UNC5C: variants seen among roughly 807,000 people sequenced by gnomAD.
The protein encoded by UNC5C is unc-5 netrin receptor C, also known as netrin receptor UNC5C.
In UNC5C, 47 loss-of-function variants were observed where a neutral mutation model predicts 99.8. That is an observed-to-expected ratio of 0.47 (90% CI 0.37 to 0.60). The LOEUF (loss-of-function observed/expected upper bound fraction) is 0.60, where lower values mean the gene tolerates loss of function less well. Among genes scored for constraint, UNC5C ranks in the 20% least tolerant of loss-of-function variants. UNC5C has a pLI of 0.00. For synonymous variants in UNC5C, 487 were observed against 452.2 expected, an observed-to-expected ratio of 1.08 and a Z score of -0.98; for missense variants, 1,062 against 1,165.9, an observed-to-expected ratio of 0.91 and a Z score of 1.30.
chr4:95,238,344 A>C (rs1357191773), intron 7 of UNC5C, among the ~76,000 whole-genome samples: 5 of 152,082 alleles, frequency 3.3e-5, no homozygotes, highest in Admixed American at 1.3e-4. Flanking sequence ...TTCAATTTTT[A>C]TGTGTGTACT....
At chr4:95,297,869 C>G (rs1265316235) in intron 3 of UNC5C, among the ~76,000 whole-genome samples, 1 of 152,242 alleles carries the variant, frequency 6.6e-6, no homozygotes, top group Non-Finnish European at 1.5e-5. Context: ...GCTGCAGTCT[C>G]ATCACTGGTC....
At chr4:95,179,617 T>G (rs112734454) in intron 14 of UNC5C, among the ~76,000 whole-genome samples, 3 of 151,856 alleles carry the variant, frequency 2.0e-5, no homozygotes, top group African/African-American at 7.3e-5. Context: ...TGTGGTGGCA[T>G]ATGCCTGTGA....
intron 1 of UNC5C, among the ~76,000 whole-genome samples, chr4:95,349,058 A>G (rs930021269): frequency 2.0e-5 from 3 of 151,664 alleles, no homozygotes; most frequent in Admixed American, 1.3e-4. Flanking sequence ...AGTATTTGAT[A>G]GCAGAACAGG....
intron 1 of UNC5C, among the ~76,000 whole-genome samples, chr4:95,390,001 G>A (rs35019760): frequency 0.11 from 16,435 of 152,146 alleles, 956 homozygotes; most frequent in Admixed American, 0.15. Flanking sequence ...ATGACTGTAA[G>A]TTCATTAATT....
At chr4:95,279,601 C>T (rs1740982135) in intron 3 of UNC5C, among the ~76,000 whole-genome samples, 1 of 152,188 alleles carries the variant, frequency 6.6e-6, no homozygotes, top group South Asian at 2.1e-4. Context: ...AAAATGCCTA[C>T]AAAAATTTTA....
chr4:95,232,300 A>G (rs1438703267), intron 7 of UNC5C, among the ~76,000 whole-genome samples: 3 of 151,260 alleles, frequency 2.0e-5, no homozygotes, highest in South Asian at 2.1e-4. Context: ...TATAAGTGTT[A>G]TATTATATAA....
chr4:95,371,988 T>G (rs1744762596), intron 1 of UNC5C, among the ~76,000 whole-genome samples: 1 of 152,214 alleles, frequency 6.6e-6, no homozygotes, highest in African/African-American at 2.4e-5. Context: ...CCAGGACAAT[T>G]GCACTGTTTC....
In UNC5C at chr4:95,278,913, C is replaced by T. The variant is rs189728624; in HGVS notation, c.491-551G>A. On this transcript the variant is annotated intron_variant, in intron 3 of 15. Coordinates refer to ENST00000453304, the MANE Select transcript of UNC5C (RefSeq NM_003728.4). ...ACTTCAATGGAAGCCTTTGGCAGTCCTTATTTTAACAATTAATAAAGTTCA... is the reference window on the plus strand; with the variant it reads ...ACTTCAATGGAAGCCTTTGGCAGTCTTTATTTTAACAATTAATAAAGTTCA... 1.8e-4 allele frequency among the ~76,000 whole-genome samples: 27 copies of T among 152,114 alleles called. No individual in the cohort carries two copies. In the East Asian group the frequency reaches 5.2e-3, roughly 29 times the overall value.
At chr4:95,234,856 T>C (rs1488777270) in intron 7 of UNC5C, among the ~76,000 whole-genome samples, 3 of 152,174 alleles carry the variant, frequency 2.0e-5, no homozygotes, top group Non-Finnish European at 4.4e-5. Flanking sequence ...TAATAGAGCT[T>C]CTGAAATTGT....
intron 13 of UNC5C, among the ~76,000 whole-genome samples, chr4:95,184,824 A>G (rs1736764802): frequency 1.3e-5 from 2 of 152,210 alleles, no homozygotes; most frequent in Admixed American, 1.3e-4. Flanking sequence ...TTTATTAAAA[A>G]TAAAACAATG....
intron 1 of UNC5C, among the ~76,000 whole-genome samples, chr4:95,437,774 C>A (rs1333959548): frequency 6.6e-6 from 1 of 152,036 alleles, no homozygotes; most frequent in Non-Finnish European, 1.5e-5. Flanking sequence ...AGGTCTCATG[C>A]AATGGCACAT....
At chr4:95,381,579 CA>C (rs1281181026) in intron 1 of UNC5C, among the ~76,000 whole-genome samples, 3 of 151,988 alleles carry the variant, frequency 2.0e-5, no homozygotes, top group African/African-American at 7.3e-5. Flanking sequence ...TTAAATTTAA[CA>C]AAAAAATTAA....
chr4:95,505,589 C>T (rs1218238632), intron 1 of UNC5C, among the ~76,000 whole-genome samples: 2 of 152,054 alleles, frequency 1.3e-5, no homozygotes, highest in Non-Finnish European at 2.9e-5. Context: ...GCGAATTGGT[C>T]TGATCATTAT....
intron 1 of UNC5C, among the ~76,000 whole-genome samples, chr4:95,422,685 C>T (rs1746356890): frequency 1.3e-5 from 2 of 152,136 alleles, no homozygotes; most frequent in Admixed American, 1.3e-4. Context: ...AAGATAAAGT[C>T]CTTGTATCTC....
rs115772735 is a variant in UNC5C at position 95,497,148 on chromosome 4, A to T, written c.124+51586T>A. Among the ~76,000 whole-genome samples, 497 of 152,022 alleles carry T rather than the reference A, an allele frequency of 3.3e-3. 2 individuals are homozygous for T. Among genetic ancestry groups the T allele is most frequent in the African/African-American group, 0.011 (471 of 41,506 alleles). On this transcript the variant is annotated intron_variant, in intron 1 of 15. Coordinates refer to ENST00000453304, the MANE Select transcript of UNC5C (RefSeq NM_003728.4). ...TGTGCTGCTATAAACATGCGTGTGC[A>T]TGTGTCTATATAATGACTTATTTTT...
chr4:95,231,286 T>C (rs1025124600), intron 7 of UNC5C, among the ~76,000 whole-genome samples: 1 of 152,174 alleles, frequency 6.6e-6, no homozygotes, highest in African/African-American at 2.4e-5. Flanking sequence ...ATGACCTTAA[T>C]ACCCGTAAAT....
At chr4:95,385,660 A>G (rs1291421044) in intron 1 of UNC5C, among the ~76,000 whole-genome samples, 1 of 152,204 alleles carries the variant, frequency 6.6e-6, no homozygotes, top group Non-Finnish European at 1.5e-5. Flanking sequence ...ATGGCTATCC[A>G]TACTTTATCT....
At chr4:95,493,029 G>A (rs953297063) in intron 1 of UNC5C, among the ~76,000 whole-genome samples, 14 of 151,300 alleles carry the variant, frequency 9.3e-5, no homozygotes, top group African/African-American at 3.1e-4. Context: ...ATTAAACACC[G>A]ATTATATGTC....
chr4:95,225,487 T>C lies in UNC5C; in HGVS notation c.1109-5311A>G, dbSNP rs1424440815. Among the ~76,000 whole-genome samples, 3 of 152,218 alleles carry C rather than the reference T, an allele frequency of 2.0e-5. No homozygotes were observed. In the East Asian group the frequency reaches 5.8e-4, roughly 29 times the overall value. On this transcript the variant is annotated intron_variant, in intron 7 of 15. Transcript: ENST00000453304. ...GAGCAAGGTGATAGGGTTTTACAGA[T>C]GGCTTCTATAACACATGGCTTGGGA...
Sources: allele counts gnomAD v4.1 joint callset (sites outside exome capture counted in the v4.1 genomes callset), GRCh38; gene constraint gnomAD v4.1.1; transcripts MANE v1.5; gene names NCBI Gene and HGNC (gene_info 2026-07-23, HGNC 2026-07-21).